Variants in STK32A observed in about 807,000 individuals in gnomAD.
STK32A encodes serine/threonine kinase 32A.
In STK32A, 41 loss-of-function variants were observed where a neutral mutation model predicts 53.2. The ratio of observed to expected loss-of-function variants is 0.77; its 90% CI spans 0.60 to 1.00. The LOEUF (loss-of-function observed/expected upper bound fraction) is 1.00, where lower values mean the gene tolerates loss of function less well. STK32A is among the 50% of genes least tolerant of loss of function. The probability of loss-of-function intolerance (pLI) is 0.00; values close to 1 mark genes in which losing one functional copy is unlikely to be tolerated. For synonymous variants in STK32A, 166 were observed against 162.8 expected (o/e 1.02, Z -0.15); for missense variants, 458 against 485.8 (o/e 0.94, Z 0.54).
chr5:147,383,998 C>A lies in STK32A; in HGVS notation c.*15C>A. On this transcript the variant is annotated 3_prime_UTR_variant, in exon 13 of 13. Coordinates refer to ENST00000397936, the MANE Select transcript of STK32A (RefSeq NM_001112724.2). Reference sequence around the variant, plus strand: ...ACAACTTGTAAAGGCCTCATGTCTTCTTCTTGGGACAATCTCATGCCAGAA... The same window carrying A: ...ACAACTTGTAAAGGCCTCATGTCTTATTCTTGGGACAATCTCATGCCAGAA... The A allele has an allele frequency of 6.3e-7, 1 of 1,593,816 alleles. No homozygotes were observed. Among genetic ancestry groups the A allele is most frequent in the African/African-American group, 1.4e-5 (1 of 73,546 alleles).
In STK32A at chr5:147,363,765, G is replaced by T. The variant is rs144220746; in HGVS notation, c.660+2151G>T. ...CAGCTACACTCTAGTGTGCTCTTCAGAACAGGCTTGCTCATTTTCTGCAAT... is the reference window on the plus strand; with the variant it reads ...CAGCTACACTCTAGTGTGCTCTTCATAACAGGCTTGCTCATTTTCTGCAAT... On this transcript the variant is annotated intron_variant, in intron 8 of 12. Transcript: ENST00000397936. Among the ~76,000 whole-genome samples, 6 of 152,294 alleles carry T rather than the reference G, an allele frequency of 3.9e-5. No individual in the cohort carries two copies. In the East Asian group the frequency reaches 9.6e-4, roughly 24 times the overall value.
At chr5:147,391,938 G>T (rs948698980), downstream of STK32A, 8 of 152,252 alleles carry the variant, frequency 5.3e-5, no homozygotes, top group African/African-American at 1.7e-4. Context: ...ATGGCACAGA[G>T]AGGTTGTGCA....
intron 2 of STK32A, among the ~76,000 whole-genome samples, chr5:147,244,892 T>C (rs927268895): frequency 6.6e-6 from 1 of 152,232 alleles, no homozygotes; most frequent in Non-Finnish European, 1.5e-5. Flanking sequence ...TTAATGCTAA[T>C]TAAGTGTTAT....
At chr5:147,332,116 A>G (rs1754900969) in intron 5 of STK32A, among the ~76,000 whole-genome samples, 1 of 152,220 alleles carries the variant, frequency 6.6e-6, no homozygotes, top group Admixed American at 6.5e-5. Flanking sequence ...GGTGCTACTC[A>G]GAGCACCTTC....
intron 5 of STK32A, 24 bp from the exon 6 acceptor site, chr5:147,342,982 T>C (rs1755505357): frequency 6.2e-7 from 1 of 1,612,632 alleles, no homozygotes; most frequent in East Asian, 2.2e-5. Context: ...TGAGCAACTT[T>C]CTTTTTTCTT....
intron 4 of STK32A, among the ~76,000 whole-genome samples, chr5:147,317,324 T>A (rs1283764891): frequency 9.2e-5 from 1 of 10,914 alleles, no homozygotes. Flanking sequence ...TTTTTCTTTC[T>A]TTTTTTTTTT....
chr5:147,311,865 T>G (rs75311403), intron 4 of STK32A, among the ~76,000 whole-genome samples: 11,236 of 151,510 alleles, frequency 0.074, 773 homozygotes, highest in East Asian at 0.22. Flanking sequence ...TCTAGAGTAT[T>G]GGGATTACAA....
Position 147,235,062 on chromosome 5 carries a change from C to T in STK32A, c.-234C>T, listed in dbSNP as rs951805109. ...GCCCAGCCCAGCCCAGCCCGGCGCT[C>T]GCAGCCTCCGCCGCTTCCGGGCAGA... On this transcript the variant is annotated 5_prime_UTR_variant, in exon 1 of 13. Transcript: ENST00000397936. The T allele has an allele frequency of 2.6e-5, 4 of 154,918 alleles. No homozygotes were observed. The highest frequency in any genetic ancestry group is 5.7e-5 in the Non-Finnish European group (4 of 70,418). 9.6% of individuals were successfully genotyped at this position (154,918 alleles called of 1,614,324 possible).
chr5:147,390,755 A>G (rs1757776109), downstream of STK32A: 1 of 152,496 alleles, frequency 6.6e-6, no homozygotes, highest in Admixed American at 6.5e-5. Flanking sequence ...GGGCAATTTT[A>G]ATATTATAGG....
the STK32A span, chr5:147,401,721 G>C: frequency 6.2e-7 from 1 of 1,613,622 alleles, no homozygotes; most frequent in African/African-American, 1.3e-5. Context: ...AAACAGACAA[G>C]GGGTTAGCAT....
intron 11 of STK32A, among the ~76,000 whole-genome samples, chr5:147,378,411 C>T (rs574795328): frequency 6.6e-6 from 1 of 152,178 alleles, no homozygotes; most frequent in Non-Finnish European, 1.5e-5. Flanking sequence ...TAGGAATTAC[C>T]CATGCTGTGT....
intron 4 of STK32A, among the ~76,000 whole-genome samples, chr5:147,294,740 A>G (rs928669730): frequency 9.4e-5 from 14 of 149,228 alleles, no homozygotes; most frequent in African/African-American, 3.0e-4. Flanking sequence ...CTGGAGTGCA[A>G]TGGTGCGATC....
chr5:147,252,107 A>G (rs1441064145), intron 2 of STK32A, among the ~76,000 whole-genome samples: 1 of 151,974 alleles, frequency 6.6e-6, no homozygotes, highest in East Asian at 1.9e-4. Flanking sequence ...TAATTGCACC[A>G]CTGCACACTA....
At chr5:147,343,390 C>A in intron 6 of STK32A, 1 of 374,544 alleles carries the variant, frequency 2.7e-6, no homozygotes, top group South Asian at 2.4e-5. Flanking sequence ...CAGAAGGCCT[C>A]AAGCTGAGAG....
At chr5:147,351,498 C>G (rs1755975006) in intron 7 of STK32A, among the ~76,000 whole-genome samples, 1 of 152,112 alleles carries the variant, frequency 6.6e-6, no homozygotes, top group South Asian at 2.1e-4. Context: ...GCAACACAGA[C>G]AAGGTCTTCA....
chr5:147,335,098 C>T (rs1385482325), intron 5 of STK32A, among the ~76,000 whole-genome samples: 5 of 151,994 alleles, frequency 3.3e-5, no homozygotes, highest in Admixed American at 6.6e-5. Flanking sequence ...CTGATTGTAC[C>T]GTACTTACCT....
chr5:147,395,757 T>A, the STK32A span: 1 of 1,610,668 alleles, frequency 6.2e-7, no homozygotes, highest in African/African-American at 1.3e-5. Context: ...CATTCATTCA[T>A]TCAGCATTTT....
At chr5:147,247,020 CG>C (rs1238757065) in intron 2 of STK32A, among the ~76,000 whole-genome samples, 1 of 152,158 alleles carries the variant, frequency 6.6e-6, no homozygotes, top group African/African-American at 2.4e-5. Flanking sequence ...CTCATGCTAC[CG>C]TAACTTTTTA....
At chr5:147,326,160 A>G (rs1262284222) in intron 5 of STK32A, among the ~76,000 whole-genome samples, 1 of 152,246 alleles carries the variant, frequency 6.6e-6, no homozygotes, top group East Asian at 1.9e-4. Flanking sequence ...AACACCCAAT[A>G]CTGTTTTTCT....
Sources: allele counts gnomAD v4.1 joint callset (sites outside exome capture counted in the v4.1 genomes callset), GRCh38; gene constraint gnomAD v4.1.1; transcripts MANE v1.5; gene names NCBI Gene and HGNC (gene_info 2026-07-23, HGNC 2026-07-21).